Variants in MRS2 observed in about 807,000 individuals in gnomAD.
MRS2 encodes the protein magnesium transporter MRS2 homolog, mitochondrial.
A neutral mutation model predicts 52.6 loss-of-function variants in MRS2; 40 were observed. The observed-to-expected ratio is 0.76, with a 90% CI of 0.59 to 0.99. The LOEUF is 0.99. MRS2 is among the 50% of genes least tolerant of loss of function. MRS2 has a pLI of 0.00. For synonymous variants in MRS2, 193 were observed against 195.9 expected, an observed-to-expected ratio of 0.98 and a Z score of 0.13; for missense variants, 472 against 532.7, an observed-to-expected ratio of 0.89 and a Z score of 1.12.
chr6:24,412,781 C>A (rs1761712534), intron 5 of MRS2, among the ~76,000 whole-genome samples: 1 of 152,116 alleles, frequency 6.6e-6, no homozygotes, highest in African/African-American at 2.4e-5. Context: ...AATTAAGAGT[C>A]CTTAGATGTC....
intron 9 of MRS2, among the ~76,000 whole-genome samples, chr6:24,422,267 A>C (rs561138299): frequency 1.3e-5 from 2 of 152,346 alleles, no homozygotes; most frequent in Admixed American, 1.3e-4. Context: ...CAATCATTGG[A>C]GCCAATGATA....
At chr6:24,419,933 G>A (rs1269649292) in intron 9 of MRS2, among the ~76,000 whole-genome samples, 9 of 152,202 alleles carry the variant, frequency 5.9e-5, no homozygotes, top group Admixed American at 5.9e-4. Flanking sequence ...GGCACAGTGT[G>A]ATGCTGGATT....
At chr6:24,405,507 A>C (rs561977492) in intron 2 of MRS2, among the ~76,000 whole-genome samples, 1 of 152,012 alleles carries the variant, frequency 6.6e-6, no homozygotes, top group Admixed American at 6.5e-5. Flanking sequence ...GCTTGAACCT[A>C]TGTTCTGCAA....
At chr6:24,416,252 C>G (rs892178305) in intron 6 of MRS2, 145 bp from the exon 7 acceptor site, 1 of 503,484 alleles carries the variant, frequency 2.0e-6, no homozygotes, top group Non-Finnish European at 3.5e-6. Flanking sequence ...GGTAAATACT[C>G]AACTTTTTTT....
In MRS2 at chr6:24,418,522, C is replaced by T. The variant is rs1761934044; in HGVS notation, c.1051C>T (p.Leu351Phe). The change falls in exon 9 of 11, where the codon CTC (leucine) becomes TTC (phenylalanine). Residue 351 changes from leucine (L) to phenylalanine (F), a missense_variant. Transcript: ENST00000378386. Reference sequence around the variant, plus strand: ...GACCATGGGAACCTTCTCTCTTTCGCTCTTTGGACTAATGGGAGTTGCTTT... The same window carrying T: ...GACCATGGGAACCTTCTCTCTTTCGTTCTTTGGACTAATGGGAGTTGCTTT... Reference protein sequence around the residue: ...QLTMGTFSLSLFGLMGVAFGM... With the variant: ...QLTMGTFSLSFFGLMGVAFGM... 1 of 1,613,996 alleles carries T rather than the reference C, an allele frequency of 6.2e-7. No individual in the cohort carries two copies. The highest frequency in any genetic ancestry group is 8.5e-7 in the Non-Finnish European group (1 of 1,179,962).
At chr6:24,407,351 T>C (rs1034004570) in intron 2 of MRS2, among the ~76,000 whole-genome samples, 4 of 152,214 alleles carry the variant, frequency 2.6e-5, no homozygotes, top group African/African-American at 9.6e-5. Flanking sequence ...TTTTTGCTGA[T>C]GAGAAGCAAG....
In MRS2 at chr6:24,413,943, T is replaced by C. The variant is rs1404043393; in HGVS notation, c.589-1090T>C. The stretch of plus-strand genomic sequence containing the variant: ...CAAACCATACTTGTGTTAACCTAAA[T>C]AGTCTATTTTTGACTTTACTCTGAT... On this transcript the variant is annotated intron_variant, in intron 5 of 10. Transcript: ENST00000378386. Among the ~76,000 whole-genome samples the C allele has an allele frequency of 3.9e-5, 6 of 152,366 alleles. No individual in the cohort carries two copies. In the East Asian group the frequency reaches 7.7e-4, roughly 20 times the overall value.
intron 7 of MRS2, among the ~76,000 whole-genome samples, chr6:24,417,740 G>A (rs144407090): frequency 0.12 from 18,615 of 152,046 alleles, 1,474 homozygotes; most frequent in East Asian, 0.16. Flanking sequence ...TCAGGAGTTC[G>A]AGACCAGCCT....
At chr6:24,415,534 A>G (rs1761820284) in intron 6 of MRS2, among the ~76,000 whole-genome samples, 1 of 152,246 alleles carries the variant, frequency 6.6e-6, no homozygotes, top group Non-Finnish European at 1.5e-5. Context: ...CCAGAATTTA[A>G]TAACAATATT....
chr6:24,412,449 T>G (rs1200642952), intron 5 of MRS2, 54 bp downstream of exon 5: 1 of 1,379,626 alleles, frequency 7.2e-7, no homozygotes, highest in Non-Finnish European at 9.8e-7. Context: ...GAAATGTCAT[T>G]GAGTGGGAAG....
At chr6:24,409,408 T>C (rs952894668) in intron 3 of MRS2, 53 bp from the exon 4 acceptor site, 83 of 1,144,248 alleles carry the variant, frequency 7.3e-5, no homozygotes, top group Non-Finnish European at 2.7e-5. Flanking sequence ...GATGGAAAAA[T>C]CTAAGCCATT....
chr6:24,418,323 C>T, intron 8 of MRS2, 87 bp downstream of exon 8: 3 of 1,482,876 alleles, frequency 2.0e-6, no homozygotes, highest in African/African-American at 1.4e-5. Context: ...GGAATTACGC[C>T]ATCATTATCA....
intron 7 of MRS2, 106 bp from the exon 8 acceptor site, chr6:24,417,978 T>C (rs1452567248): frequency 2.3e-6 from 2 of 873,000 alleles, no homozygotes; most frequent in East Asian, 5.3e-5. Context: ...AAGGCTAGCT[T>C]TTCCACTGGT....
At chr6:24,404,099 T>C (rs1053168607) in intron 1 of MRS2, among the ~76,000 whole-genome samples, 12 of 152,224 alleles carry the variant, frequency 7.9e-5, no homozygotes, top group African/African-American at 2.9e-4. Context: ...TCAAATATGT[T>C]TTCTCAATTG....
intron 9 of MRS2, among the ~76,000 whole-genome samples, chr6:24,420,545 C>A (rs1049187043): frequency 4.6e-5 from 7 of 152,160 alleles, no homozygotes; most frequent in African/African-American, 1.7e-4. Context: ...TGAGTCTGCC[C>A]TTGCGTAGGT....
At chr6:24,419,622 A>T (rs1362518042) in intron 9 of MRS2, among the ~76,000 whole-genome samples, 1 of 152,226 alleles carries the variant, frequency 6.6e-6, no homozygotes, top group Non-Finnish European at 1.5e-5. Context: ...AAATAACAGA[A>T]TTAGGACATG....
In MRS2 at chr6:24,408,370, G is replaced by A. The variant is rs558950580; in HGVS notation, c.265-38G>A. The A allele has an allele frequency of 2.9e-6, 4 of 1,359,850 alleles. No homozygotes were observed. In the South Asian group the frequency reaches 4.8e-5, roughly 16 times the overall value. The allele number at this position is 1,359,850 out of a possible 1,614,324, so 84.2% of individuals were successfully genotyped here. On this transcript the variant is annotated intron_variant, in intron 2 of 10. Coordinates refer to ENST00000378386, the MANE Select transcript of MRS2 (RefSeq NM_020662.4). ...AATACCATAAGTAGCATTCTAATTT[G>A]AAAGAAAATCATAATTTGTTTTATT...
At chr6:24,417,643 C>T (rs973551765) in intron 7 of MRS2, among the ~76,000 whole-genome samples, 2 of 152,126 alleles carry the variant, frequency 1.3e-5, no homozygotes, top group African/African-American at 4.8e-5. Context: ...TTGGCCACAA[C>T]AATAGAAAAG....
At chr6:24,415,266 T>C (rs1388547735) in intron 6 of MRS2, 103 bp downstream of exon 6, 1 of 1,254,314 alleles carries the variant, frequency 8.0e-7, no homozygotes, top group East Asian at 2.5e-5. Flanking sequence ...GAAAGTAGCC[T>C]AGGTGGGAAG....
Sources: gnomAD v4.1 joint callset for allele counts (sites outside exome capture counted in the v4.1 genomes callset) on GRCh38, gnomAD v4.1.1 for gene constraint, MANE v1.5 for transcripts, NCBI Gene and HGNC (gene_info 2026-07-23, HGNC 2026-07-21) for gene names.